The following CYTH3 variants were observed in gnomAD, a reference collection of about 807,000 sequenced individuals.
CYTH3 encodes the protein cytohesin 3, also known as cytohesin-3.
In CYTH3, 23 loss-of-function variants were observed where a neutral mutation model predicts 55.1. The observed-to-expected ratio is 0.42, with a 90% CI of 0.30 to 0.59. The LOEUF (loss-of-function observed/expected upper bound fraction) is 0.59. Among genes scored for constraint, CYTH3 ranks in the 20% least tolerant of loss-of-function variants. The pLI is 0.20. For synonymous variants in CYTH3, 249 were observed against 194.9 expected (o/e 1.28, Z -2.31); for missense variants, 413 against 524.8 (o/e 0.79, Z 2.08).
At chr7:6,199,587 AAACTT>A (rs367965966) in intron 1 of CYTH3, among the ~76,000 whole-genome samples, 51 of 152,356 alleles carry the variant, frequency 3.3e-4, no homozygotes, top group African/African-American at 1.2e-3. Flanking sequence ...TCAGATATAA[AAACTT>A]AAACTAATTT....
At chr7:6,207,025 C>T (rs1180871190) in intron 1 of CYTH3, among the ~76,000 whole-genome samples, 1 of 148,584 alleles carries the variant, frequency 6.7e-6, no homozygotes, top group Non-Finnish European at 1.5e-5. Flanking sequence ...ACCAATACTA[C>T]AAACTTTAAG....
At chr7:6,184,359 C>A (rs926532252) in intron 4 of CYTH3, among the ~76,000 whole-genome samples, 1 of 151,866 alleles carries the variant, frequency 6.6e-6, no homozygotes, top group African/African-American at 2.4e-5. Context: ...CGCGCCTGGC[C>A]CCCTCTGTGG....
At chr7:6,174,952 T>G (rs1783306018) in intron 5 of CYTH3, among the ~76,000 whole-genome samples, 1 of 152,232 alleles carries the variant, frequency 6.6e-6, no homozygotes, top group Non-Finnish European at 1.5e-5. Context: ...TGCCAGTTTA[T>G]AACTGAGTAA....
Position 6,171,606 on chromosome 7 carries a change from T to G in CYTH3, c.450-292A>C. Reference sequence around the variant, plus strand: ...TAAATATCCAGGATCCTGGCACTTCTCTGTCCCCATTGCCACCATCTCCTG... The same window carrying G: ...TAAATATCCAGGATCCTGGCACTTCGCTGTCCCCATTGCCACCATCTCCTG... On this transcript the variant is annotated intron_variant, in intron 6 of 12. Coordinates refer to ENST00000350796, the MANE Select transcript of CYTH3 (RefSeq NM_004227.4). This position sits in a 1 kb window ranked among gnomAD's most constrained non-coding sequence, Gnocchi z 6.7. 2 of 339,534 alleles carry G rather than the reference T, an allele frequency of 5.9e-6. No individual in the cohort carries two copies. Among genetic ancestry groups the G allele is most frequent in the Non-Finnish European group, 1.1e-5 (2 of 173,952 alleles). 21.0% of individuals were successfully genotyped at this position (339,534 alleles called of 1,614,324 possible).
At chr7:6,256,290 G>C (rs996141308) in intron 1 of CYTH3, among the ~76,000 whole-genome samples, 1 of 152,224 alleles carries the variant, frequency 6.6e-6, no homozygotes, top group Non-Finnish European at 1.5e-5. Flanking sequence ...CACTGGTTCA[G>C]GCAGGGGGCC....
At chr7:6,229,342 T>A (rs973312222) in intron 1 of CYTH3, among the ~76,000 whole-genome samples, 1 of 152,170 alleles carries the variant, frequency 6.6e-6, no homozygotes, top group Non-Finnish European at 1.5e-5. Context: ...TTCACTGATA[T>A]CAGGTGTGCT....
chr7:6,244,505 C>T (rs762017698), intron 1 of CYTH3, among the ~76,000 whole-genome samples: 15 of 152,222 alleles, frequency 9.9e-5, no homozygotes, highest in Non-Finnish European at 1.9e-4. Flanking sequence ...GTCTTCGTCA[C>T]CCATGCTGGA....
intron 1 of CYTH3, among the ~76,000 whole-genome samples, chr7:6,266,032 C>T (rs937192723): frequency 6.6e-6 from 1 of 152,102 alleles, no homozygotes; most frequent in Non-Finnish European, 1.5e-5. Flanking sequence ...ATTCTTTGTA[C>T]TTTTCTGTAT....
intron 1 of CYTH3, among the ~76,000 whole-genome samples, chr7:6,229,955 T>C (rs990201591): frequency 4.0e-5 from 6 of 151,764 alleles, no homozygotes; most frequent in African/African-American, 1.2e-4. Flanking sequence ...GCCAACATGG[T>C]GAAAACCTGT....
rs1783059906 is a variant in CYTH3, at chr7:6,167,952, T to C, written c.824-2142A>G. 6.6e-6 allele frequency among the ~76,000 whole-genome samples: 1 copy of C among 152,184 alleles called. No individual in the cohort carries two copies. The highest frequency in any genetic ancestry group is 6.5e-5 in the Admixed American group (1 of 15,286). ...TCCAGTCCTCAGGGCCAGGGGGTCGTTGCAGACCAGGACTGCAGGCCCAGG... is the reference window on the plus strand; with the variant it reads ...TCCAGTCCTCAGGGCCAGGGGGTCGCTGCAGACCAGGACTGCAGGCCCAGG... On this transcript the variant is annotated intron_variant, in intron 9 of 12. Transcript: ENST00000350796. This position sits in a 1 kb window ranked among gnomAD's most constrained non-coding sequence, Gnocchi z 5.5.
intron 1 of CYTH3, 64 bp downstream of exon 1, chr7:6,272,410 G>GGGGGGGGGGGCGCGGCCC: frequency 8.2e-7 from 1 of 1,216,618 alleles, no homozygotes; most frequent in Non-Finnish European, 1.1e-6. Context: ...CCGCGCCCTC[G>GGGGGGGGGGGCGCGGCCC]ACCCCCAGCC....
intron 4 of CYTH3, among the ~76,000 whole-genome samples, chr7:6,179,895 C>A (rs369941218): frequency 0.011 from 1,263 of 119,652 alleles, 18 homozygotes; most frequent in African/African-American, 0.041. Context: ...ACCACACACA[C>A]CCACACACAA....
intron 1 of CYTH3, among the ~76,000 whole-genome samples, chr7:6,250,421 C>A (rs1343348698): frequency 2.0e-5 from 3 of 152,172 alleles, no homozygotes; most frequent in Non-Finnish European, 2.9e-5. Flanking sequence ...AACCATGTGA[C>A]AGAGGTGAGC....
chr7:6,210,216 G>A (rs1002803805), intron 1 of CYTH3, among the ~76,000 whole-genome samples: 3 of 152,072 alleles, frequency 2.0e-5, no homozygotes, highest in African/African-American at 7.2e-5. Context: ...TGAGCAGATG[G>A]GAACTCTATA....
At chr7:6,179,698 A>C (rs1311971699) in intron 4 of CYTH3, among the ~76,000 whole-genome samples, 8 of 74,990 alleles carry the variant, frequency 1.1e-4, no homozygotes, top group African/African-American at 2.5e-4. Flanking sequence ...CCCCACACAC[A>C]CACCCCACAC....
intron 1 of CYTH3, among the ~76,000 whole-genome samples, chr7:6,192,753 GA>G (rs1306526124): frequency 6.7e-6 from 1 of 150,166 alleles, no homozygotes; most frequent in Non-Finnish European, 1.5e-5. Context: ...GGCTGGTCTT[GA>G]ACTCCTGACC....
intron 4 of CYTH3, among the ~76,000 whole-genome samples, chr7:6,180,414 AGAG>A (rs1286097028): frequency 3.9e-5 from 6 of 152,234 alleles, no homozygotes; most frequent in Admixed American, 6.5e-5. Context: ...TATGAGACAG[AGAG>A]GAGAAGGTGC....
chr7:6,257,751 G>T (rs926655345), intron 1 of CYTH3, among the ~76,000 whole-genome samples: 6 of 152,188 alleles, frequency 3.9e-5, no homozygotes, highest in Admixed American at 6.5e-5. Context: ...GCTACAGCCA[G>T]TATCACACCA....
rs767923524 is a variant in CYTH3 at position 6,165,794 on chromosome 7, G to C, written c.840C>G (p.Thr280=). The part of the protein sequence containing the change: ...WLLKLGGRVK[T]WKRRWFILTD... ...TCAGGATGAACCACCGGCGCTTCCA[G>C]GTCTTCACACGCCCTCCTAGAAGCA... Residue 280 remains threonine, a synonymous_variant, in exon 10 of 13, where the codon ACC becomes ACG. Coordinates refer to ENST00000350796, the MANE Select transcript of CYTH3 (RefSeq NM_004227.4). The C allele has an allele frequency of 6.2e-7, 1 of 1,613,996 alleles. No individual in the cohort carries two copies. Among genetic ancestry groups the C allele is most frequent in the East Asian group, 2.2e-5 (1 of 44,884 alleles).
Sources: gnomAD v4.1 joint callset for allele counts (sites outside exome capture counted in the v4.1 genomes callset) on GRCh38, gnomAD v4.1.1 for gene constraint, Gnocchi (gnomAD v3.1) non-coding constraint, MANE v1.5 for transcripts, NCBI Gene and HGNC (gene_info 2026-07-23, HGNC 2026-07-21) for gene names.